The following SLC29A4 variants were observed in gnomAD, a reference collection of about 807,000 sequenced individuals.
SLC29A4 encodes equilibrative nucleoside transporter 4.
In SLC29A4, 36 loss-of-function variants were observed where a neutral mutation model predicts 43.9. The observed-to-expected ratio is 0.82, with a 90% CI of 0.63 to 1.08. The LOEUF is 1.08. Ranked by LOEUF, SLC29A4 falls within the 50% of genes least tolerant of loss-of-function variation. The pLI is 0.00. For missense variants in SLC29A4, 869 were observed against 755.3 expected, an observed-to-expected ratio of 1.15 and a Z score of -1.77; for synonymous variants, 491 against 338.0, an observed-to-expected ratio of 1.45 and a Z score of -4.97.
intron 5 of SLC29A4, among the ~76,000 whole-genome samples, 163 bp from the exon 6 acceptor site, chr7:5,294,697 A>G (rs940553725): frequency 1.3e-5 from 2 of 152,166 alleles, no homozygotes; most frequent in African/African-American, 4.8e-5. Flanking sequence ...CCAAGGGTAC[A>G]CTGGCTGGTG....
At chr7:5,287,593 A>G (rs1236173023) in intron 1 of SLC29A4, among the ~76,000 whole-genome samples, 1 of 152,214 alleles carries the variant, frequency 6.6e-6, no homozygotes, top group Non-Finnish European at 1.5e-5. Flanking sequence ...CTAAGGTCAC[A>G]CAGCTGGGCT....
Position 5,299,025 on chromosome 7 carries a change from C to T in SLC29A4, c.920C>T (p.Pro307Leu). Residue 307 changes from proline to leucine, a missense_variant, in exon 8 of 11, where the codon CCA becomes CTA. Physicochemically the swap from Pro to Leu is moderately conservative, Grantham distance 98. Coordinates refer to ENST00000396872, the MANE Select transcript of SLC29A4 (RefSeq NM_153247.4). ...CCGGCCCTGGCCCCCAACGAGTCCCCAAAGGACAGCCCAGCCCACGAGGTG... is the reference window on the plus strand; with the variant it reads ...CCGGCCCTGGCCCCCAACGAGTCCCTAAAGGACAGCCCAGCCCACGAGGTG... The part of the protein sequence containing the change: ...PAPALAPNES[P>L]KDSPAHEVTG... The T allele has an allele frequency of 6.2e-7, 1 of 1,611,770 alleles. No homozygotes were observed. Among genetic ancestry groups the T allele is most frequent in the Non-Finnish European group, 8.5e-7 (1 of 1,179,856 alleles).
rs540085267 is a variant in SLC29A4 at position 5,297,110 on chromosome 7, C to T, written c.794C>T (p.Pro265Leu). Residue 265 changes from proline to leucine, a missense_variant, in exon 7 of 11, where the codon CCG (proline) becomes CTG (leucine). Coordinates refer to ENST00000396872, the MANE Select transcript of SLC29A4 (RefSeq NM_153247.4). The stretch of plus-strand genomic sequence containing the variant: ...TTCGTGCTCTTCTATACCACACGGC[C>T]GCGTGACAGCCACCGGGGCAGGCCA... ...SRFVLFYTTR[P>L]RDSHRGRPGL... 6.2e-6 allele frequency: 10 copies of T among 1,607,148 alleles called. 1 individual carries two copies. Among genetic ancestry groups the T allele is most frequent in the Middle Eastern group, 3.6e-4 (2 of 5,596 alleles).
chr7:5,290,980 G>C, intron 3 of SLC29A4, 117 bp downstream of exon 3: 3 of 1,532,750 alleles, frequency 2.0e-6, no homozygotes, highest in Non-Finnish European at 2.6e-6. Context: ...TCAGATCTCG[G>C]CTCCACTGTG....
chr7:5,306,807 A>AATC lies in SLC29A4; in HGVS notation c.*3869_*3871dup, dbSNP rs939206002. On this transcript the variant is annotated 3_prime_UTR_variant, in exon 11 of 11. Coordinates refer to ENST00000396872, the MANE Select transcript of SLC29A4 (RefSeq NM_153247.4). ...CCAGACAATTTTATTTTTCCAATTA[A>AATC]ATCTTTTCTTTTTTTTTATGAAAAA... 2 of 151,976 alleles carry AATC rather than the reference A, an allele frequency of 1.3e-5. No individual in the cohort carries two copies. Among genetic ancestry groups the AATC allele is most frequent in the African/African-American group, 2.4e-5 (1 of 41,396 alleles). 9.4% of individuals were successfully genotyped at this position (151,976 alleles called of 1,614,324 possible). A position where few individuals can be genotyped will look rare whatever the true frequency, so the allele number is the denominator to read the frequency against.
chr7:5,284,890 G>A (rs763613457), intron 1 of SLC29A4, among the ~76,000 whole-genome samples: 3 of 152,196 alleles, frequency 2.0e-5, no homozygotes, highest in Non-Finnish European at 4.4e-5. Context: ...CAGAAACCTC[G>A]GCTTTCTGGC....
chr7:5,302,668 G>A (rs1411105384), intron 10 of SLC29A4, 129 bp from the exon 11 acceptor site: 2 of 886,338 alleles, frequency 2.3e-6, no homozygotes, highest in Non-Finnish European at 1.7e-6. Context: ...CCCAGGAGGA[G>A]CGATGGGGCA....
Position 5,287,874 on chromosome 7 carries a change from C to G in SLC29A4, c.58C>G (p.Pro20Ala). ...GCCCAGCGTGGCAGGCACACCAGAC[C>G]CGGGCGTAGTGATGAGCTTCACCTT... ...EEPSVAGTPD[P>A]GVVMSFTFDS... The change falls in exon 2 of 11, where the codon CCG becomes GCG. Residue 20 changes from proline (P) to alanine (A), a missense_variant. Transcript: ENST00000396872. 1 of 1,611,968 alleles carries G rather than the reference C, an allele frequency of 6.2e-7. No homozygotes were observed. Among genetic ancestry groups the G allele is most frequent in the Non-Finnish European group, 8.5e-7 (1 of 1,179,846 alleles).
At chr7:5,286,021 C>A (rs1427484794) in intron 1 of SLC29A4, among the ~76,000 whole-genome samples, 2 of 151,120 alleles carry the variant, frequency 1.3e-5, no homozygotes, top group African/African-American at 4.9e-5. Flanking sequence ...GAAAAAAAAA[C>A]AAAAAACAAA....
In SLC29A4 at chr7:5,302,866, G is replaced by T; in HGVS notation, c.1520G>T (p.Ser507Ile). Residue 507 changes from serine (S) to isoleucine (I), a missense_variant, in exon 11 of 11, where the codon AGC becomes ATC. Physicochemically the swap from Ser to Ile is moderately radical, Grantham distance 142 (BLOSUM62 -2). Transcript: ENST00000396872. ...LGSAVAYCTYSLTRDAHGSCL... is the reference protein window; with the variant it reads ...LGSAVAYCTYILTRDAHGSCL... ...TCCGCCGTGGCCTACTGCACCTACAGCCTCACCCGCGACGCTCACGGCAGC... is the reference window on the plus strand; with the variant it reads ...TCCGCCGTGGCCTACTGCACCTACATCCTCACCCGCGACGCTCACGGCAGC... 1 of 1,602,078 alleles carries T rather than the reference G, an allele frequency of 6.2e-7. No homozygotes were observed. The highest frequency in any genetic ancestry group is 8.5e-7 in the Non-Finnish European group (1 of 1,174,876).
intron 4 of SLC29A4, 77 bp downstream of exon 4, chr7:5,291,314 T>C (rs1004418960): frequency 8.9e-6 from 12 of 1,342,540 alleles, no homozygotes; most frequent in Non-Finnish European, 1.2e-5. Flanking sequence ...TCACCCAGTT[T>C]CCCTGAGCCT....
rs538213883 is a variant in SLC29A4 at position 5,298,668 on chromosome 7, C to T, written c.883-320C>T. Among the ~76,000 whole-genome samples, 175 of 152,210 alleles carry T rather than the reference C, an allele frequency of 1.1e-3. 1 individual carries two copies. Among genetic ancestry groups the T allele is most frequent in the Non-Finnish European group, 1.7e-3 (119 of 68,008 alleles). On this transcript the variant is annotated intron_variant, in intron 7 of 10. Transcript: ENST00000396872. Reference sequence around the variant, plus strand: ...CAAAAAAGATTGGCCTGGGTGATGGCGCATGGCTGTAGTCCCTGTTACTTG... The same window carrying T: ...CAAAAAAGATTGGCCTGGGTGATGGTGCATGGCTGTAGTCCCTGTTACTTG...
chr7:5,297,148 G>A lies in SLC29A4; in HGVS notation c.832G>A (p.Gly278Ser), dbSNP rs1785747880. 1.2e-6 allele frequency: 2 copies of A among 1,601,596 alleles called. No individual in the cohort carries two copies. Among genetic ancestry groups the A allele is most frequent in the Non-Finnish European group, 1.7e-6 (2 of 1,178,036 alleles). Residue 278 changes from glycine (G) to serine (S), a missense_variant, in exon 7 of 11, where the codon GGC becomes AGC. By Grantham distance (56) the Gly-to-Ser change is moderately conservative. Transcript: ENST00000396872. ...SHRGRPGLGR[G>S]YGYRVHHDVV... ...CCGGGGCAGGCCAGGCCTGGGCAGGGGCTATGGCTACCGCGTGCACCACGA... is the reference window on the plus strand; with the variant it reads ...CCGGGGCAGGCCAGGCCTGGGCAGGAGCTATGGCTACCGCGTGCACCACGA...
intron 2 of SLC29A4, among the ~76,000 whole-genome samples, chr7:5,288,459 C>T (rs774466957): frequency 7.9e-5 from 12 of 151,908 alleles, no homozygotes; most frequent in Admixed American, 2.0e-4. Flanking sequence ...TGCCTGCCAC[C>T]GTGCCCAGCT....
rs1242641899 is a variant in SLC29A4 at position 5,306,829 on chromosome 7, A to G, written c.*3890A>G. On this transcript the variant is annotated 3_prime_UTR_variant, in exon 11 of 11. Transcript: ENST00000396872. ...TTAAATCTTTTCTTTTTTTTTATGA[A>G]AAAAGATCACACAGAATTTGCCAAC... 1 of 151,550 alleles carries G rather than the reference A, an allele frequency of 6.6e-6. No individual in the cohort carries two copies. Among genetic ancestry groups the G allele is most frequent in the African/African-American group, 2.4e-5 (1 of 41,260 alleles). The allele number at this position is 151,550 out of a possible 1,614,324, so 9.4% of individuals were successfully genotyped here.
intron 1 of SLC29A4, 126 bp downstream of exon 1, chr7:5,283,208 C>G (rs1297189801): frequency 6.6e-6 from 1 of 150,426 alleles, no homozygotes; most frequent in South Asian, 2.1e-4. Flanking sequence ...CCCCAGCCCG[C>G]CCCTGTCCCG....
rs182012089 is a variant in SLC29A4 at position 5,303,133 on chromosome 7, A to T, written c.*194A>T. ...TGCAAAGTCCTCCGAGGACCGGAACACGTTTCTGCGACCCGGGGCTCTGGC... is the reference window on the plus strand; with the variant it reads ...TGCAAAGTCCTCCGAGGACCGGAACTCGTTTCTGCGACCCGGGGCTCTGGC... On this transcript the variant is annotated 3_prime_UTR_variant, in exon 11 of 11. Transcript: ENST00000396872. 1.7e-4 allele frequency: 112 copies of T among 667,450 alleles called. No individual in the cohort carries two copies. Among genetic ancestry groups the T allele is most frequent in the African/African-American group, 1.4e-3 (78 of 54,976 alleles). 41.3% of individuals were successfully genotyped at this position (667,450 alleles called of 1,614,324 possible). A position where few individuals can be genotyped will look rare whatever the true frequency, so the allele number is the denominator to read the frequency against.
Position 5,287,822 on chromosome 7 carries a change from CT to C in SLC29A4, c.7del (p.Ser3ProfsTer20), listed in dbSNP as rs1785052801. 1.2e-6 allele frequency: 2 copies of C among 1,611,048 alleles called. No homozygotes were observed. The highest frequency in any genetic ancestry group is 1.7e-6 in the Non-Finnish European group (2 of 1,179,704). On this transcript the variant is annotated frameshift_variant, in exon 2 of 11. Coordinates refer to ENST00000396872, the MANE Select transcript of SLC29A4 (RefSeq NM_153247.4). LOFTEE classifies it high-confidence loss of function. MGSVGSQRLEEPS... is the reference protein window; with the variant it reads MGXVGSQRLEEPS... ...TCTCCAAAGCAGAGGCTGCCATGGG[CT>C]CCGTGGGGAGCCAGCGCCTTGAGGA...
At chr7:5,283,145 G>GGC (rs1784747718) in intron 1 of SLC29A4, 63 bp downstream of exon 1, 1 of 149,724 alleles carries the variant, frequency 6.7e-6, no homozygotes, top group Non-Finnish European at 1.5e-5. Flanking sequence ...CTTTGTCTGC[G>GGC]GCGCGCGCGG....
Sources: allele counts gnomAD v4.1 joint callset (sites outside exome capture counted in the v4.1 genomes callset), GRCh38; gene constraint gnomAD v4.1.1; transcripts MANE v1.5; gene names NCBI Gene and HGNC (gene_info 2026-07-23, HGNC 2026-07-21).